Variants in COL21A1 observed in about 807,000 individuals in gnomAD.
COL21A1 encodes the protein collagen type XXI alpha 1 chain.
COL21A1 carries 149 observed loss-of-function variants against 137.9 expected under a neutral mutation model. The ratio of observed to expected loss-of-function variants is 1.08; its 90% CI spans 0.95 to 1.24. The LOEUF (loss-of-function observed/expected upper bound fraction) is 1.24, where lower values mean the gene tolerates loss of function less well. Ranked by LOEUF, COL21A1 falls within the 50% of genes most tolerant of loss-of-function variation. The pLI is 0.00. For synonymous variants in COL21A1, 456 were observed against 391.5 expected, an observed-to-expected ratio of 1.16 and a Z score of -1.95; for missense variants, 1,167 against 1,158.4, an observed-to-expected ratio of 1.01 and a Z score of -0.11.
intron 1 of COL21A1, among the ~76,000 whole-genome samples, chr6:56,265,564 C>T (rs1763373645): frequency 1.4e-5 from 2 of 145,448 alleles, no homozygotes; most frequent in South Asian, 4.3e-4. Context: ...AAACACAGTG[C>T]ATAAGCAAAT....
At chr6:56,081,295 T>C (rs1261248894) in intron 17 of COL21A1, among the ~76,000 whole-genome samples, 5 of 151,566 alleles carry the variant, frequency 3.3e-5, no homozygotes, top group African/African-American at 1.2e-4. Flanking sequence ...CCTACTTGCA[T>C]TTCCAAAAAT....
Position 56,276,796 on chromosome 6 carries a change from GTGTTTTTTT to G in COL21A1, c.-38-94149_-38-94141del, listed in dbSNP as rs1250749427. The G allele has an allele frequency of 1.1e-4, 109 of 999,804 alleles. 1 individual carries two copies. The East Asian group carries it at 1.7e-3, about 16-fold the overall frequency. 61.9% of individuals were successfully genotyped at this position (999,804 alleles called of 1,614,324 possible). A position where few individuals can be genotyped will look rare whatever the true frequency, so the allele number is the denominator to read the frequency against. On this transcript the variant is annotated intron_variant, in intron 1 of 28. Transcript: ENST00000370819. ...GCTAATTCTGGTTGTTCAGTGAGTTGTGTTTTTTTTGTTTTTTTTGTTTTTTTTTTGAGA... is the reference window on the plus strand; with the variant it reads ...GCTAATTCTGGTTGTTCAGTGAGTTGTGTTTTTTTTGTTTTTTTTTTGAGA...
chr6:56,058,004 T>A (rs1239762122), intron 29 of COL21A1, among the ~76,000 whole-genome samples, 160 bp from the exon 30 acceptor site: 1 of 152,166 alleles, frequency 6.6e-6, no homozygotes, highest in Non-Finnish European at 1.5e-5. Context: ...ATTCTACATG[T>A]CTTCTGCTTT....
At chr6:56,101,441 T>A in intron 17 of COL21A1, 31 bp downstream of exon 17, 1 of 1,535,178 alleles carries the variant, frequency 6.5e-7, no homozygotes, top group Non-Finnish European at 8.9e-7. Context: ...AAGAACTTCA[T>A]CTTTTAGAAC....
intron 17 of COL21A1, among the ~76,000 whole-genome samples, chr6:56,097,815 A>T (rs2114237339): frequency 1.0e-5 from 1 of 95,424 alleles, no homozygotes; most frequent in South Asian, 3.1e-4. Flanking sequence ...ATAAATATAT[A>T]TAAATACATA....
chr6:56,281,808 T>C (rs924713714), intron 1 of COL21A1, among the ~76,000 whole-genome samples: 5 of 152,194 alleles, frequency 3.3e-5, no homozygotes, highest in Admixed American at 6.5e-5. Context: ...TACAGGCATA[T>C]ATTAGATGGC....
At chr6:56,249,293 T>A (rs1238405357), upstream of COL21A1, among the ~76,000 whole-genome samples, 1 of 152,242 alleles carries the variant, frequency 6.6e-6, no homozygotes, top group Non-Finnish European at 1.5e-5. Context: ...TAAGCCACTT[T>A]GGAAAACAGT....
At chr6:56,250,596 C>A (rs947432855), upstream of COL21A1, among the ~76,000 whole-genome samples, 1 of 152,128 alleles carries the variant, frequency 6.6e-6, no homozygotes, top group African/African-American at 2.4e-5. Flanking sequence ...AGAGCCTCAG[C>A]CCTAGCCAAC....
chr6:56,317,198 A>G (rs1764758254), intron 1 of COL21A1, among the ~76,000 whole-genome samples: 1 of 152,090 alleles, frequency 6.6e-6, no homozygotes, highest in South Asian at 2.1e-4. Context: ...CTGGTTTTCA[A>G]TTTGTTCAGC....
chr6:56,283,179 T>C (rs1177946545), intron 1 of COL21A1, among the ~76,000 whole-genome samples: 2 of 152,026 alleles, frequency 1.3e-5, no homozygotes, highest in Non-Finnish European at 2.9e-5. Context: ...CTTAAGGGAA[T>C]CAAGACTTGC....
intron 16 of COL21A1, among the ~76,000 whole-genome samples, chr6:56,116,149 T>C (rs1372098412): frequency 1.4e-4 from 21 of 151,910 alleles, no homozygotes; most frequent in Admixed American, 1.4e-3. Context: ...GAGAAAGATA[T>C]CAATATCCAA....
At chr6:56,115,474 G>A (rs1771837212) in intron 16 of COL21A1, among the ~76,000 whole-genome samples, 1 of 152,134 alleles carries the variant, frequency 6.6e-6, no homozygotes, top group African/African-American at 2.4e-5. Context: ...GGCTTGGGGT[G>A]TACCCTAAAG....
At chr6:56,362,767 C>A (rs1766004009) in intron 1 of COL21A1, among the ~76,000 whole-genome samples, 1 of 152,116 alleles carries the variant, frequency 6.6e-6, no homozygotes, top group Non-Finnish European at 1.5e-5. Flanking sequence ...CACCTAGGCC[C>A]CTCTGTTAAG....
chr6:56,290,223 G>A (rs1764007952), intron 1 of COL21A1, among the ~76,000 whole-genome samples: 1 of 152,042 alleles, frequency 6.6e-6, no homozygotes, highest in African/African-American at 2.4e-5. Flanking sequence ...CCCTGATCTA[G>A]AGATCAGGGT....
At chr6:56,150,599 C>T (rs1345516004) in intron 10 of COL21A1, among the ~76,000 whole-genome samples, 1 of 149,904 alleles carries the variant, frequency 6.7e-6, no homozygotes, top group Non-Finnish European at 1.5e-5. Context: ...GAACTGTGAC[C>T]CAGTGACCAA....
chr6:56,269,412 T>C (rs1763469141), intron 1 of COL21A1, among the ~76,000 whole-genome samples: 1 of 151,562 alleles, frequency 6.6e-6, no homozygotes, highest in Admixed American at 6.6e-5. Context: ...TCCCAGCACT[T>C]TGGGAGGCCG....
chr6:56,133,710 G>A (rs1773753119), intron 12 of COL21A1, among the ~76,000 whole-genome samples: 2 of 152,278 alleles, frequency 1.3e-5, no homozygotes, highest in Admixed American at 1.3e-4. Context: ...CCCTTGCTCT[G>A]TGCAGCCTAG....
intron 1 of COL21A1, among the ~76,000 whole-genome samples, chr6:56,288,261 A>T (rs1013663696): frequency 6.6e-6 from 1 of 152,092 alleles, no homozygotes; most frequent in African/African-American, 2.4e-5. Context: ...AAAGAAAAAA[A>T]AAAGGAAATG....
rs1480519620 is a variant in COL21A1 at position 56,247,373 on chromosome 6, A to G, written c.-39+14T>C. On this transcript the variant is annotated intron_variant, in intron 1 of 29. Transcript: ENST00000244728. The stretch of plus-strand genomic sequence containing the variant: ...ATTCTGGCAGCGAGAGGGGAGTAGG[A>G]GGTGTCTCCTTACCTGGCGCAGTGT... 6.6e-6 allele frequency: 1 copy of G among 151,982 alleles called. No homozygotes were observed. The highest frequency in any genetic ancestry group is 2.1e-4 in the South Asian group (1 of 4,802). 9.4% of individuals were successfully genotyped at this position (151,982 alleles called of 1,614,324 possible). A position where few individuals can be genotyped will look rare whatever the true frequency, so the allele number is the denominator to read the frequency against.
Sources: allele counts gnomAD v4.1 joint callset (sites outside exome capture counted in the v4.1 genomes callset), GRCh38; gene constraint gnomAD v4.1.1; transcripts MANE v1.5; gene names NCBI Gene and HGNC (gene_info 2026-07-23, HGNC 2026-07-21).